Variants in DSCAM observed in about 807,000 individuals in gnomAD.
The protein encoded by DSCAM is DS cell adhesion molecule, also known as cell adhesion molecule DSCAM.
DSCAM carries 47 observed loss-of-function variants against 217.7 expected under a neutral mutation model. The ratio of observed to expected loss-of-function variants is 0.22; its 90% CI spans 0.17 to 0.28. The LOEUF is 0.28. Among genes scored for constraint, DSCAM ranks in the 10% least tolerant of loss-of-function variants. The probability of loss-of-function intolerance (pLI) is 1.00; values close to 1 mark genes in which losing one functional copy is unlikely to be tolerated. For synonymous variants in DSCAM, 1,056 were observed against 1,015.3 expected (o/e 1.04, Z -0.76); for missense variants, 2,080 against 2,618.3 (o/e 0.79, Z 4.49).
At chr21:40,046,910 C>T (rs2146487098) in intron 30 of DSCAM, among the ~76,000 whole-genome samples, 1 of 152,002 alleles carries the variant, frequency 6.6e-6, no homozygotes, top group East Asian at 2.0e-4. Context: ...ACTGTCATAG[C>T]CCCTTTCCTC....
chr21:40,273,176 T>C (rs2073642216), intron 11 of DSCAM, among the ~76,000 whole-genome samples: 1 of 152,262 alleles, frequency 6.6e-6, no homozygotes, highest in Non-Finnish European at 1.5e-5. Context: ...TCTATGTATG[T>C]ATTGGAATAC....
chr21:40,013,085 C>T lies in DSCAM; in HGVS notation c.5988G>A (p.Arg1996=). Residue 1996 remains arginine (R), a synonymous_variant, in exon 33 of 33, where the codon CGG becomes CGA. Coordinates refer to ENST00000400454, the MANE Select transcript of DSCAM (RefSeq NM_001389.5). ...AAGGATTGTTTCCTTTCAAATGGCC[C>T]CGGGAGTCGAGCAGTGATTCTTGGG... is the stretch of plus-strand genomic sequence containing the variant. ...SSSQESLLDS[R]GHLKGNNPYA... is the part of the protein sequence containing the mutation. The T allele has an allele frequency of 6.3e-7, 1 of 1,579,342 alleles. No individual in the cohort carries two copies. The highest frequency in any genetic ancestry group is 1.2e-5 in the South Asian group (1 of 85,120).
chr21:40,080,122 T>A, intron 25 of DSCAM, 30 bp downstream of exon 25: 2 of 1,201,016 alleles, frequency 1.7e-6, no homozygotes, highest in Non-Finnish European at 2.3e-6. Context: ...AAAGAAAGGA[T>A]ATTAAGAAGC....
intron 3 of DSCAM, among the ~76,000 whole-genome samples, chr21:40,467,119 C>T (rs2075851598): frequency 6.6e-6 from 1 of 152,208 alleles, no homozygotes; most frequent in African/African-American, 2.4e-5. Context: ...ATCATTATTA[C>T]TCTACCTGTA....
chr21:40,641,296 A>C (rs9980127), intron 3 of DSCAM, among the ~76,000 whole-genome samples: 77,847 of 151,846 alleles, frequency 0.51, 20,075 homozygotes, highest in Admixed American at 0.59. Flanking sequence ...TACCTCACGG[A>C]AGCAGCTAGA....
chr21:40,350,349 G>A (rs780720368), intron 5 of DSCAM, among the ~76,000 whole-genome samples: 10 of 152,042 alleles, frequency 6.6e-5, no homozygotes, highest in Non-Finnish European at 1.5e-4. Context: ...GAATGAACAG[G>A]CAACCTACAG....
chr21:40,300,323 CTCT>C (rs2074000938), intron 9 of DSCAM, among the ~76,000 whole-genome samples: 1 of 152,180 alleles, frequency 6.6e-6, no homozygotes, highest in Non-Finnish European at 1.5e-5. Context: ...CTTTCATATC[CTCT>C]TCTTTCATTT....
chr21:40,132,315 G>A lies in DSCAM; in HGVS notation c.3562+1539C>T, dbSNP rs181895121. Among the ~76,000 whole-genome samples, 22 of 152,266 alleles carry A rather than the reference G, an allele frequency of 1.4e-4. 1 individual carries two copies. In the East Asian group the frequency reaches 4.1e-3, roughly 28 times the overall value. On this transcript the variant is annotated intron_variant, in intron 19 of 32. Coordinates refer to ENST00000400454, the MANE Select transcript of DSCAM (RefSeq NM_001389.5). ...ATCCAGTTCAGAGACACTTAGGTAA[G>A]GTGCCCAAAGACCCACGGGCAGCAG... is the stretch of plus-strand genomic sequence containing the variant.
intron 16 of DSCAM, among the ~76,000 whole-genome samples, chr21:40,145,930 ATG>A (rs2090350073): frequency 6.6e-6 from 1 of 151,818 alleles, no homozygotes; most frequent in South Asian, 2.1e-4. Flanking sequence ...GTCAACAGAT[ATG>A]TGTGTTTATG....
intron 11 of DSCAM, among the ~76,000 whole-genome samples, chr21:40,218,945 T>C (rs4324403): frequency 0.076 from 11,601 of 152,238 alleles, 769 homozygotes; most frequent in African/African-American, 0.17. Context: ...ACTTCCTCTC[T>C]TCCTATTTGG....
intron 3 of DSCAM, among the ~76,000 whole-genome samples, chr21:40,428,234 TTGTGTGTGTGTGTG>T (rs71186936): frequency 0.059 from 7,591 of 129,236 alleles, 297 homozygotes; most frequent in African/African-American, 0.055. Flanking sequence ...GGCAAATACT[TTGTGTGTGTGTGTG>T]TGTGTGTGTG....
chr21:40,846,216 T>C (rs951026154), intron 1 of DSCAM, among the ~76,000 whole-genome samples: 1 of 152,148 alleles, frequency 6.6e-6, no homozygotes, highest in Non-Finnish European at 1.5e-5. Flanking sequence ...GAGATGTTCC[T>C]CATTGACCCC....
intron 3 of DSCAM, among the ~76,000 whole-genome samples, chr21:40,458,889 G>A (rs754758362): frequency 1.3e-5 from 2 of 151,966 alleles, no homozygotes; most frequent in Non-Finnish European, 2.9e-5. Context: ...ATTCACTCTT[G>A]AATCACAAAG....
chr21:40,610,422 C>A (rs551352579), intron 3 of DSCAM, among the ~76,000 whole-genome samples: 1 of 152,312 alleles, frequency 6.6e-6, no homozygotes, highest in East Asian at 1.9e-4. Flanking sequence ...GAGCCCAGCA[C>A]GGGCTGCCCA....
chr21:40,279,963 G>C (rs1455634601), intron 10 of DSCAM, among the ~76,000 whole-genome samples: 1 of 152,026 alleles, frequency 6.6e-6, no homozygotes, highest in South Asian at 2.1e-4. Context: ...GGCCTGTGAG[G>C]GGGTGGGGGC....
chr21:40,202,718 T>C (rs1237278420), intron 11 of DSCAM, among the ~76,000 whole-genome samples: 1 of 152,258 alleles, frequency 6.6e-6, no homozygotes, highest in African/African-American at 2.4e-5. Context: ...ATTCCTAAAG[T>C]TTCACCTTTT....
intron 27 of DSCAM, among the ~76,000 whole-genome samples, chr21:40,071,548 T>A (rs1324715845): frequency 1.3e-5 from 2 of 152,254 alleles, no homozygotes; most frequent in East Asian, 3.8e-4. Flanking sequence ...TTCAACCATA[T>A]AAAATTGATC....
intron 32 of DSCAM, among the ~76,000 whole-genome samples, chr21:40,013,869 C>T (rs918163173): frequency 6.6e-6 from 1 of 152,204 alleles, no homozygotes; most frequent in African/African-American, 2.4e-5. Flanking sequence ...CTTGGCCAGC[C>T]ACTTAGTTAT....
chr21:40,491,074 AT>A (rs2076072623), intron 3 of DSCAM, among the ~76,000 whole-genome samples: 3 of 152,172 alleles, frequency 2.0e-5, no homozygotes, highest in African/African-American at 7.2e-5. Flanking sequence ...TGTTTGTAAA[AT>A]TTCAAAGTAT....
Sources: allele counts gnomAD v4.1 joint callset (sites outside exome capture counted in the v4.1 genomes callset), GRCh38; gene constraint gnomAD v4.1.1; transcripts MANE v1.5; gene names NCBI Gene and HGNC (gene_info 2026-07-23, HGNC 2026-07-21).